TMEM134: variants seen among roughly 807,000 people sequenced by gnomAD.
TMEM134 encodes the protein transmembrane protein 134.
Under a neutral mutation model 26.2 loss-of-function variants are expected in TMEM134, and 36 were observed. That is an observed-to-expected ratio of 1.37 (90% CI 1.05 to 1.81). The LOEUF (loss-of-function observed/expected upper bound fraction) is 1.81. Ranked by LOEUF, TMEM134 falls within the 40% of genes most tolerant of loss-of-function variation. The pLI, the probability that TMEM134 is intolerant of heterozygous loss-of-function variation, is 0.00. For synonymous variants in TMEM134, 133 were observed against 113.6 expected, an observed-to-expected ratio of 1.17 and a Z score of -1.08; for missense variants, 339 against 263.5, an observed-to-expected ratio of 1.29 and a Z score of -1.98.
rs1471294023 is a variant in TMEM134, at chr11:67,462,666, TATTTC to T, written c.*1943_*1947del. The T allele has an allele frequency of 6.6e-6, 1 of 151,708 alleles. No individual in the cohort carries two copies. The highest frequency in any genetic ancestry group is 2.4e-5 in the African/African-American group (1 of 41,280). 9.4% of individuals were successfully genotyped at this position (151,708 alleles called of 1,614,324 possible). On this transcript the variant is annotated 3_prime_UTR_variant, in exon 7 of 7. Coordinates refer to ENST00000308022, the MANE Select transcript of TMEM134 (RefSeq NM_025124.4). ...CCACGCCCAGCCTCTGTATGTTTTT[TATTTC>T]ATTTTTCTAGTTTTTAAAATTTTTA...
rs1865126340 is a variant in TMEM134, at chr11:67,464,679, TGAA to T, written c.520_522del (p.Phe174del). On this transcript the variant is annotated inframe_deletion, in exon 7 of 7. Transcript: ENST00000308022. ...CGGTGGCCCTTGACCGCGCAGTAGA[TGAA>T]GATCACGTGATAGACTGCGGGGCGG... 6.4e-7 allele frequency: 1 copy of T among 1,553,724 alleles called. No individual in the cohort carries two copies. The highest frequency in any genetic ancestry group is 8.7e-7 in the Non-Finnish European group (1 of 1,148,018).
At chr11:67,468,119 G>A (rs957779569) in intron 1 of TMEM134, 27 bp from the exon 2 acceptor site, 1 of 1,551,946 alleles carries the variant, frequency 6.4e-7, no homozygotes, top group East Asian at 2.4e-5. Context: ...GTCTCAGGGG[G>A]GTTGCTGGGC....
chr11:67,465,701 A>G (rs1200530651), intron 4 of TMEM134, among the ~76,000 whole-genome samples: 2 of 151,618 alleles, frequency 1.3e-5, no homozygotes, highest in African/African-American at 2.4e-5. Context: ...CAAGGCAGGA[A>G]GATCGCTTGA....
At position 67,463,888 on chromosome 11, in the gene TMEM134, C is replaced by A. The variant is rs533707454; in HGVS notation, c.*726G>T. On this transcript the variant is annotated 3_prime_UTR_variant, in exon 7 of 7. Coordinates refer to ENST00000308022, the MANE Select transcript of TMEM134 (RefSeq NM_025124.4). ...TGTCTGTCAGGCGCGGCTTCCTATG[C>A]CCTCTGCCCCCAGGTTCTCCCAACC... 1.3e-5 allele frequency: 2 copies of A among 152,712 alleles called. No homozygotes were observed. The highest frequency in any genetic ancestry group is 2.4e-5 in the African/African-American group (1 of 41,582). 9.5% of individuals were successfully genotyped at this position (152,712 alleles called of 1,614,324 possible).
At chr11:67,468,851 G>C (rs1865462306) in intron 1 of TMEM134, among the ~76,000 whole-genome samples, 168 bp downstream of exon 1, 1 of 152,192 alleles carries the variant, frequency 6.6e-6, no homozygotes, top group African/African-American at 2.4e-5. Flanking sequence ...GAACCGGGAG[G>C]GCCTGGGCAG....
intron 6 of TMEM134, 37 bp from the exon 7 acceptor site, chr11:67,464,733 C>T (rs757399766): frequency 2.6e-6 from 4 of 1,549,506 alleles, no homozygotes; most frequent in Non-Finnish European, 3.5e-6. Flanking sequence ...AAGCCCCGCC[C>T]CTCCCCGCAA....
Position 67,469,098 on chromosome 11 carries a change from C to T in TMEM134, c.95G>A (p.Arg32His). ...GPGPESSGVA[R>H]FGPLHFERRA... The stretch of plus-strand genomic sequence containing the variant: ...ACGCTCGAAGTGCAGCGGCCCAAAG[C>T]GCGCGACCCCGCTGGACTCGGGCCC... The change falls in exon 1 of 7, where the codon CGC becomes CAC. Residue 32 changes from arginine (R) to histidine (H), a missense_variant. Transcript: ENST00000308022. 6.6e-7 allele frequency: 1 copy of T among 1,509,626 alleles called. No individual in the cohort carries two copies. The highest frequency in any genetic ancestry group is 1.2e-5 in the South Asian group (1 of 81,522). The allele number at this position is 1,509,626 out of a possible 1,614,324, so 93.5% of individuals were successfully genotyped here. A position where few individuals can be genotyped will look rare whatever the true frequency, so the allele number is the denominator to read the frequency against.
rs1256378644 is a variant in TMEM134 at position 67,466,373 on chromosome 11, G to A, written c.406+939C>T. The A allele has an allele frequency of 2.0e-5, 3 of 152,202 alleles. No individual in the cohort carries two copies. The South Asian group carries it at 6.2e-4, about 31-fold the overall frequency. 9.4% of individuals were successfully genotyped at this position (152,202 alleles called of 1,614,324 possible). A position where few individuals can be genotyped will look rare whatever the true frequency, so the allele number is the denominator to read the frequency against. The stretch of plus-strand genomic sequence containing the variant: ...AAAAAATAAATAAATAAAAATAAAG[G>A]GGTATAGGGTATGATGGGGGCTGAA... On this transcript the variant is annotated intron_variant, in intron 4 of 6. Transcript: ENST00000308022.
Position 67,467,352 on chromosome 11 carries a change from TCGG to T in TMEM134, c.363_365del (p.Arg122del). ...GGAGCAGGAAGGAGGCCAGCACCAC[TCGG>T]CGGTTCTTCTGGATCAAAGGGTGTT... On this transcript the variant is annotated inframe_deletion, in exon 4 of 7. Coordinates refer to ENST00000308022, the MANE Select transcript of TMEM134 (RefSeq NM_025124.4). 6.2e-7 allele frequency: 1 copy of T among 1,613,776 alleles called. No individual in the cohort carries two copies.
rs1250358817 is a variant in TMEM134, at chr11:67,461,849, C to T, written c.*2765G>A. On this transcript the variant is annotated 3_prime_UTR_variant, in exon 7 of 7. Coordinates refer to ENST00000308022, the MANE Select transcript of TMEM134 (RefSeq NM_025124.4). Reference sequence around the variant, plus strand: ...CAACCATTACAAAATATAAAAACCACTCTGTGGACTATACCTTGCTGATTC... The same window carrying T: ...CAACCATTACAAAATATAAAAACCATTCTGTGGACTATACCTTGCTGATTC... 6.6e-6 allele frequency: 1 copy of T among 152,172 alleles called. No homozygotes were observed. The highest frequency in any genetic ancestry group is 1.5e-5 in the Non-Finnish European group (1 of 68,034). The allele number at this position is 152,172 out of a possible 1,614,324, so 9.4% of individuals were successfully genotyped here. A position where few individuals can be genotyped will look rare whatever the true frequency, so the allele number is the denominator to read the frequency against.
At position 67,465,120 on chromosome 11, in the gene TMEM134, C is replaced by A; in HGVS notation, c.407-20G>T. ...TCAGCACTGCACACAGACGGAGCCGCGGGGGTGGGGGCAGGAGCAGTGGTG... is the reference window on the plus strand; with the variant it reads ...TCAGCACTGCACACAGACGGAGCCGAGGGGGTGGGGGCAGGAGCAGTGGTG... On this transcript the variant is annotated intron_variant, in intron 4 of 6. Transcript: ENST00000308022. 6.4e-7 allele frequency: 1 copy of A among 1,558,588 alleles called. No homozygotes were observed.
chr11:67,462,307 T>C lies in TMEM134; in HGVS notation c.*2307A>G, dbSNP rs1865041343. 6.6e-6 allele frequency: 1 copy of C among 152,126 alleles called. No homozygotes were observed. Among genetic ancestry groups the C allele is most frequent in the Non-Finnish European group, 1.5e-5 (1 of 68,030 alleles). The allele number at this position is 152,126 out of a possible 1,614,324, so 9.4% of individuals were successfully genotyped here. On this transcript the variant is annotated 3_prime_UTR_variant, in exon 7 of 7. Coordinates refer to ENST00000308022, the MANE Select transcript of TMEM134 (RefSeq NM_025124.4). Reference sequence around the variant, plus strand: ...TTTGTTCTGATTATATTTATTGAAATGTAATTTTATGTCTAATTAATCTGA... The same window carrying C: ...TTTGTTCTGATTATATTTATTGAAACGTAATTTTATGTCTAATTAATCTGA...
In TMEM134 at chr11:67,467,739, A is replaced by G. The variant is rs957566568; in HGVS notation, c.240-149T>C. The G allele has an allele frequency of 6.6e-6, 5 of 762,330 alleles. No individual in the cohort carries two copies. The Admixed American group carries it at 1.1e-4, about 17-fold the overall frequency. 47.2% of individuals were successfully genotyped at this position (762,330 alleles called of 1,614,324 possible). ...CCCTGAGAGGCCTCGGTGGGTGAGC[A>G]TGAATTCAGGGGCTGGGGATGAGCT... On this transcript the variant is annotated intron_variant, in intron 2 of 6. Transcript: ENST00000308022.
In TMEM134 at chr11:67,464,836, A is replaced by G; in HGVS notation, c.472T>C (p.Phe158Leu). ...PSPGVSSAIFFVPGFLLLVPG... is the reference protein window; with the variant it reads ...PSPGVSSAIFLVPGFLLLVPG... The stretch of plus-strand genomic sequence containing the variant: ...ACCAACAACAGGAAGCCCGGCACGA[A>G]GAAGATGGCGCTGGAGACACCTGCG... The change falls in exon 6 of 7, where the codon TTC becomes CTC. Residue 158 changes from phenylalanine to leucine, a missense_variant. Physicochemically the swap from Phe to Leu is conservative, Grantham distance 22 (BLOSUM62 0). Coordinates refer to ENST00000308022, the MANE Select transcript of TMEM134 (RefSeq NM_025124.4). 1 of 1,610,434 alleles carries G rather than the reference A, an allele frequency of 6.2e-7. No individual in the cohort carries two copies. Among genetic ancestry groups the G allele is most frequent in the Non-Finnish European group, 8.5e-7 (1 of 1,179,688 alleles).
At chr11:67,464,740 G>A (rs898550206) in intron 6 of TMEM134, 44 bp from the exon 7 acceptor site, 8 of 891,022 alleles carry the variant, frequency 9.0e-6, no homozygotes, top group Non-Finnish European at 1.3e-5. Context: ...GCCCCTCCCC[G>A]CAACACCGCC....
chr11:67,467,865 A>C, intron 2 of TMEM134, 163 bp downstream of exon 2: 1 of 716,796 alleles, frequency 1.4e-6, no homozygotes, highest in Non-Finnish European at 2.3e-6. Context: ...GGGTAGGGTG[A>C]CCCTACAGTG....
At chr11:67,465,301 G>A in intron 4 of TMEM134, 4 of 1,383,600 alleles carry the variant, frequency 2.9e-6, no homozygotes, top group Non-Finnish European at 3.8e-6. Context: ...ATTTTTCTTT[G>A]TTCCTTGGGG....
rs527331454 is a variant in TMEM134, at chr11:67,465,264, G to A, written c.407-164C>T. ...TGTTTCCAGAGCAAGGCACTGAGCAGGCCCTGGGAAGTGTGTGAAAGGAGA... is the reference window on the plus strand; with the variant it reads ...TGTTTCCAGAGCAAGGCACTGAGCAAGCCCTGGGAAGTGTGTGAAAGGAGA... On this transcript the variant is annotated intron_variant, in intron 4 of 6. Transcript: ENST00000308022. 14 of 1,470,522 alleles carry A rather than the reference G, an allele frequency of 9.5e-6. No homozygotes were observed. The South Asian group carries it at 1.5e-4, about 15-fold the overall frequency. The allele number at this position is 1,470,522 out of a possible 1,614,324, so 91.1% of individuals were successfully genotyped here.
Position 67,469,019 on chromosome 11 carries a change from C to G in TMEM134, c.174G>C (p.Gln58His). 6.7e-7 allele frequency: 1 copy of G among 1,498,082 alleles called. No homozygotes were observed. Among genetic ancestry groups the G allele is most frequent in the African/African-American group, 1.4e-5 (1 of 69,094 alleles). The allele number at this position is 1,498,082 out of a possible 1,614,324, so 92.8% of individuals were successfully genotyped here. A position where few individuals can be genotyped will look rare whatever the true frequency, so the allele number is the denominator to read the frequency against. ...DEDKQSRLRY[Q>H]NLENDEDGAQ... ...GGGTTAGGTGGGCCGGGCGGTTCAC[C>G]TGGTAGCGCAGCCGGGACTGCTTGT... is the stretch of plus-strand genomic sequence containing the variant. Residue 58 changes from glutamine (Q) to histidine (H), a missense_variant and splice_region_variant, in exon 1 of 7, where the codon CAG becomes CAC. By Grantham distance (24) the Gln-to-His change is conservative. Coordinates refer to ENST00000308022, the MANE Select transcript of TMEM134 (RefSeq NM_025124.4).
Sources: gnomAD v4.1 joint callset for allele counts (sites outside exome capture counted in the v4.1 genomes callset) on GRCh38, gnomAD v4.1.1 for gene constraint, MANE v1.5 for transcripts, NCBI Gene and HGNC (gene_info 2026-07-23, HGNC 2026-07-21) for gene names.